The following TMCC3 variants were observed in gnomAD, a reference collection of about 807,000 sequenced individuals.
TMCC3 encodes transmembrane and coiled-coil domain family 3.
Under a neutral mutation model 40.2 loss-of-function variants are expected in TMCC3, and 28 were observed. The observed-to-expected ratio is 0.70, with a 90% CI of 0.52 to 0.95. The LOEUF is 0.95. TMCC3 is among the 40% of genes least tolerant of loss of function. TMCC3 has a pLI of 0.00. For missense variants in TMCC3, 554 were observed against 615.2 expected (o/e 0.90, Z 1.05); for synonymous variants, 255 against 248.5 (o/e 1.03, Z -0.25).
At chr12:94,604,503 C>T (rs1428738997) in intron 1 of TMCC3, among the ~76,000 whole-genome samples, 1 of 151,734 alleles carries the variant, frequency 6.6e-6, no homozygotes, top group African/African-American at 2.4e-5. Context: ...GGGAGGCGTA[C>T]AGAATTAAAA....
At chr12:94,650,296 G>T in intron 1 of TMCC3, 57 bp downstream of exon 1, 1 of 1,121,540 alleles carries the variant, frequency 8.9e-7, no homozygotes, top group Non-Finnish European at 1.1e-6. Flanking sequence ...CGCCGCCCCA[G>T]CCCGCCTCGC....
chr12:94,598,990 C>G (rs2068734699), intron 1 of TMCC3, among the ~76,000 whole-genome samples: 1 of 152,180 alleles, frequency 6.6e-6, no homozygotes, highest in Non-Finnish European at 1.5e-5. Context: ...TGGGAAAGCT[C>G]TGATTCCAGA....
chr12:94,594,230 C>G lies in TMCC3; in HGVS notation c.79-11692G>C, dbSNP rs60221689. Among the ~76,000 whole-genome samples the G allele has an allele frequency of 2.5e-4, 37 of 147,064 alleles. 1 individual carries two copies. The highest frequency in any genetic ancestry group is 1.6e-3 in the East Asian group (8 of 5,106). Reference sequence around the variant, plus strand: ...ATATATATATATACACACACACACACACAGAGTGAGAGAGAGAGAGGTCTC... The same window carrying G: ...ATATATATATATACACACACACACAGACAGAGTGAGAGAGAGAGAGGTCTC... On this transcript the variant is annotated intron_variant, in intron 1 of 3. Coordinates refer to ENST00000261226, the MANE Select transcript of TMCC3 (RefSeq NM_020698.4).
chr12:94,614,866 A>G (rs910615628), intron 1 of TMCC3, among the ~76,000 whole-genome samples: 19 of 151,814 alleles, frequency 1.3e-4, no homozygotes, highest in African/African-American at 4.4e-4. Context: ...TCTGGGTTCA[A>G]GTAATTCTAC....
At chr12:94,590,975 T>C (rs1419247250) in intron 1 of TMCC3, 5 of 564,720 alleles carry the variant, frequency 8.9e-6, no homozygotes, top group African/African-American at 5.7e-5. Flanking sequence ...CATTTAAATA[T>C]GATCTTGGGA....
chr12:94,570,956 TCA>T lies in TMCC3; in HGVS notation c.*477_*478del. The T allele has an allele frequency of 1.2e-5, 2 of 166,756 alleles. No individual in the cohort carries two copies. Among genetic ancestry groups the T allele is most frequent in the East Asian group, 1.6e-4 (1 of 6,086 alleles). The allele number at this position is 166,756 out of a possible 1,614,324, so 10.3% of individuals were successfully genotyped here. On this transcript the variant is annotated 3_prime_UTR_variant, in exon 4 of 4. Coordinates refer to ENST00000261226, the MANE Select transcript of TMCC3 (RefSeq NM_020698.4). ...GTCCCCTGGAGAGAAGCAGGGTGGA[TCA>T]CACGGGGACCATAGGCCACAGTGTT...
intron 1 of TMCC3, among the ~76,000 whole-genome samples, chr12:94,594,849 G>C (rs186571206): frequency 9.2e-4 from 140 of 152,274 alleles, no homozygotes; most frequent in African/African-American, 3.1e-3. Flanking sequence ...CCTGTACTTA[G>C]TGTAAGTTTC....
intron 1 of TMCC3, among the ~76,000 whole-genome samples, chr12:94,582,983 TTTTTTTTTTTTAAA>T (rs1315925283): frequency 3.1e-4 from 8 of 25,800 alleles, no homozygotes; most frequent in African/African-American, 1.1e-3. Context: ...TTTTTTTTTT[TTTTTTTTTTTTAAA>T]AAAGAAAGAT....
At chr12:94,596,126 T>C (rs2068713651) in intron 1 of TMCC3, among the ~76,000 whole-genome samples, 1 of 152,218 alleles carries the variant, frequency 6.6e-6, no homozygotes, top group Non-Finnish European at 1.5e-5. Flanking sequence ...CAGGGTCCTA[T>C]CCTAGTCATT....
chr12:94,641,714 C>T (rs114338040), intron 1 of TMCC3, among the ~76,000 whole-genome samples: 1 of 152,184 alleles, frequency 6.6e-6, no homozygotes, highest in East Asian at 1.9e-4. Context: ...ACTCACAGAA[C>T]GGAGAGCTTT....
chr12:94,614,370 C>G (rs2068835474), intron 1 of TMCC3, among the ~76,000 whole-genome samples: 1 of 152,134 alleles, frequency 6.6e-6, no homozygotes, highest in African/African-American at 2.4e-5. Flanking sequence ...AGCATGCAGT[C>G]AGGAGAAAGC....
At chr12:94,614,721 T>C (rs962268763) in intron 1 of TMCC3, among the ~76,000 whole-genome samples, 3 of 152,054 alleles carry the variant, frequency 2.0e-5, no homozygotes, top group South Asian at 2.1e-4. Flanking sequence ...TCGGAACAAC[T>C]GGCCTCTCTG....
Position 94,578,318 on chromosome 12 carries a change from T to C in TMCC3, c.1131+76A>G, listed in dbSNP as rs906613445. The stretch of plus-strand genomic sequence containing the variant: ...CCAGAAACCCTCTAGGACTTAGGCA[T>C]AAACATTTAGACTGTTAAATGAATT... On this transcript the variant is annotated intron_variant, in intron 3 of 3. Transcript: ENST00000261226. The C allele has an allele frequency of 6.6e-6, 10 of 1,521,048 alleles. No homozygotes were observed. The Admixed American group carries it at 2.1e-4, about 32-fold the overall frequency. 94.2% of individuals were successfully genotyped at this position (1,521,048 alleles called of 1,614,324 possible). A position where few individuals can be genotyped will look rare whatever the true frequency, so the allele number is the denominator to read the frequency against.
chr12:94,570,255 G>A lies in TMCC3; in HGVS notation c.*1180C>T, dbSNP rs1051648158. The A allele has an allele frequency of 3.3e-5, 5 of 152,118 alleles. No homozygotes were observed. The highest frequency in any genetic ancestry group is 2.6e-4 in the Admixed American group (4 of 15,270). The allele number at this position is 152,118 out of a possible 1,614,324, so 9.4% of individuals were successfully genotyped here. A position where few individuals can be genotyped will look rare whatever the true frequency, so the allele number is the denominator to read the frequency against. ...CCATTCAGTCACACCCTACGTCCTC[G>A]TTTCCTCATGCTTTCAGCGTTCCGA... On this transcript the variant is annotated 3_prime_UTR_variant, in exon 4 of 4. Coordinates refer to ENST00000261226, the MANE Select transcript of TMCC3 (RefSeq NM_020698.4).
intron 3 of TMCC3, among the ~76,000 whole-genome samples, chr12:94,576,155 G>C (rs1009340360): frequency 1.3e-5 from 2 of 152,128 alleles, no homozygotes; most frequent in Non-Finnish European, 2.9e-5. Context: ...TCTTAATCCA[G>C]AACAGGGCCA....
intron 1 of TMCC3, among the ~76,000 whole-genome samples, chr12:94,589,523 A>C (rs1336079443): frequency 6.6e-6 from 1 of 152,196 alleles, no homozygotes; most frequent in Non-Finnish European, 1.5e-5. Flanking sequence ...ATATCATGTT[A>C]GTGACATGTG....
At position 94,650,335 on chromosome 12, in the gene TMCC3, C is replaced by G. The variant is rs1395344459; in HGVS notation, c.78+18G>C. On this transcript the variant is annotated intron_variant, in intron 1 of 3. Coordinates refer to ENST00000261226, the MANE Select transcript of TMCC3 (RefSeq NM_020698.4). ...CGGGCCCGCGCGCACCCGCCGCCCC[C>G]CAGCCCGCTGCGCTCACCCGGCTCT... The G allele has an allele frequency of 1.6e-6, 2 of 1,286,542 alleles. No homozygotes were observed. Among genetic ancestry groups the G allele is most frequent in the Non-Finnish European group, 2.0e-6 (2 of 1,013,928 alleles). 79.7% of individuals were successfully genotyped at this position (1,286,542 alleles called of 1,614,324 possible).
chr12:94,584,859 G>C, intron 1 of TMCC3, among the ~76,000 whole-genome samples: 1 of 151,918 alleles, frequency 6.6e-6, no homozygotes, highest in East Asian at 1.9e-4. Context: ...CTGGTCAAGA[G>C]GGAAGGATGG....
chr12:94,616,635 T>G (rs1594289799), intron 1 of TMCC3, among the ~76,000 whole-genome samples: 1 of 148,520 alleles, frequency 6.7e-6, no homozygotes, highest in Non-Finnish European at 1.5e-5. Flanking sequence ...GTCAGGAGAG[T>G]ACTTGGTGCT....
Sources: gnomAD v4.1 joint callset for allele counts (sites outside exome capture counted in the v4.1 genomes callset) on GRCh38, gnomAD v4.1.1 for gene constraint, MANE v1.5 for transcripts, NCBI Gene and HGNC (gene_info 2026-07-23, HGNC 2026-07-21) for gene names.